The following ST3GAL3 variants were observed in gnomAD, a reference collection of about 807,000 sequenced individuals.
The protein encoded by ST3GAL3 is CMP-N-acetylneuraminate-beta-1,4-galactoside alpha-2,3-sialyltransferase.
ST3GAL3 carries 21 observed loss-of-function variants against 50.1 expected under a neutral mutation model. The observed-to-expected ratio is 0.42, with a 90% CI of 0.30 to 0.60. The LOEUF (loss-of-function observed/expected upper bound fraction) is 0.60, where lower values mean the gene tolerates loss of function less well. ST3GAL3 is among the 20% of genes least tolerant of loss of function. The pLI is 0.19. For missense variants in ST3GAL3, 353 were observed against 489.4 expected, an observed-to-expected ratio of 0.72 and a Z score of 2.63; for synonymous variants, 183 against 190.0, an observed-to-expected ratio of 0.96 and a Z score of 0.30.
intron 6 of ST3GAL3, 143 bp from the exon 7 acceptor site, chr1:43,898,092 A>G (rs2077652829): frequency 1.2e-6 from 1 of 865,862 alleles, no homozygotes; most frequent in East Asian, 2.6e-5. Context: ...CAGTGGCCCA[A>G]TACATCCTTG....
intron 9 of ST3GAL3, among the ~76,000 whole-genome samples, chr1:43,908,306 C>T (rs1571228926): frequency 6.6e-6 from 1 of 152,296 alleles, no homozygotes; most frequent in South Asian, 2.1e-4. Flanking sequence ...TCTAAAGAAT[C>T]CTCCTAAAGT....
chr1:43,835,331 A>G (rs2154195104), intron 4 of ST3GAL3, among the ~76,000 whole-genome samples: 1 of 152,318 alleles, frequency 6.6e-6, no homozygotes, highest in Admixed American at 6.5e-5. Flanking sequence ...TGGATGACTC[A>G]GAATCCCCAA....
At chr1:43,789,729 A>G (rs2057804871) in intron 2 of ST3GAL3, among the ~76,000 whole-genome samples, 1 of 152,144 alleles carries the variant, frequency 6.6e-6, no homozygotes, top group Non-Finnish European at 1.5e-5. Flanking sequence ...AAAGTTAGCC[A>G]GGCAGGCTGG....
chr1:43,904,856 TTCC>T (rs1481902675), intron 9 of ST3GAL3, among the ~76,000 whole-genome samples: 3 of 103,306 alleles, frequency 2.9e-5, no homozygotes, highest in South Asian at 3.6e-4. Context: ...CCTGCCACTC[TTCC>T]TCCTCCTCCT....
At position 43,767,234 on chromosome 1, in the gene ST3GAL3, T is replaced by C. The variant is rs1693418396; in HGVS notation, c.119-24868T>C. Among the ~76,000 whole-genome samples, 4 of 151,926 alleles carry C rather than the reference T, an allele frequency of 2.6e-5. No homozygotes were observed. The South Asian group carries it at 8.3e-4, about 32-fold the overall frequency. On this transcript the variant is annotated intron_variant, in intron 2 of 11. Coordinates refer to ENST00000347631, the MANE Select transcript of ST3GAL3 (RefSeq NM_006279.5). Reference sequence around the variant, plus strand: ...AACATCTGAGCTGAGTAGGGAGGGCTAGGAGGAGCAGAAAGGCAGAGGGAA... The same window carrying C: ...AACATCTGAGCTGAGTAGGGAGGGCCAGGAGGAGCAGAAAGGCAGAGGGAA...
intron 5 of ST3GAL3, among the ~76,000 whole-genome samples, chr1:43,884,106 C>T (rs1043740563): frequency 1.2e-4 from 18 of 152,188 alleles, no homozygotes; most frequent in Admixed American, 1.1e-3. Context: ...GTTCTGAGCT[C>T]GTACTCAGCA....
At chr1:43,801,968 C>G (rs976242614) in intron 3 of ST3GAL3, among the ~76,000 whole-genome samples, 4 of 148,540 alleles carry the variant, frequency 2.7e-5, no homozygotes, top group Non-Finnish European at 5.9e-5. Flanking sequence ...CCACTGCACT[C>G]CAGCCTGGGT....
chr1:43,930,131 G>GTC lies in ST3GAL3; in HGVS notation c.1039_1040dup (p.Trp348ProfsTer17). Reference sequence around the variant, plus strand: ...ACTGATCACTTCATCTCTCCTTTCAGTCCTGGACGCACAATATCCAGCGAG... The same window carrying GTC: ...ACTGATCACTTCATCTCTCCTTTCAGTCTCCTGGACGCACAATATCCAGCGAG... On this transcript the variant is annotated frameshift_variant and splice_region_variant. Coordinates refer to ENST00000347631, the MANE Select transcript of ST3GAL3 (RefSeq NM_006279.5). LOFTEE classifies it high-confidence loss of function. 6.2e-7 allele frequency: 1 copy of GTC among 1,614,166 alleles called. No individual in the cohort carries two copies. The highest frequency in any genetic ancestry group is 8.5e-7 in the Non-Finnish European group (1 of 1,180,008).
chr1:43,888,810 C>T (rs919529818), intron 5 of ST3GAL3, among the ~76,000 whole-genome samples: 1 of 152,124 alleles, frequency 6.6e-6, no homozygotes, highest in African/African-American at 2.4e-5. Context: ...GTGGCACTTT[C>T]ATACATCACT....
chr1:43,875,593 A>G (rs553198027), intron 5 of ST3GAL3, among the ~76,000 whole-genome samples: 1 of 151,974 alleles, frequency 6.6e-6, no homozygotes, highest in Non-Finnish European at 1.5e-5. Context: ...ATGATAGTGA[A>G]TGGTTTTATA....
chr1:43,911,611 C>G (rs2080890950), intron 9 of ST3GAL3, among the ~76,000 whole-genome samples: 1 of 131,008 alleles, frequency 7.6e-6, no homozygotes, highest in African/African-American at 2.8e-5. Flanking sequence ...CTATAGATAT[C>G]TACAGATATA....
intron 4 of ST3GAL3, among the ~76,000 whole-genome samples, chr1:43,821,084 A>G (rs530705695): frequency 6.6e-6 from 1 of 152,286 alleles, no homozygotes; most frequent in African/African-American, 2.4e-5. Context: ...TGTGTTTTCT[A>G]GTTGGAATAA....
At chr1:43,855,254 A>G (rs1339695269) in intron 5 of ST3GAL3, among the ~76,000 whole-genome samples, 4 of 152,116 alleles carry the variant, frequency 2.6e-5, no homozygotes, top group East Asian at 1.9e-4. Context: ...AGCCTTTACA[A>G]TGGGAGCGGA....
At chr1:43,740,419 C>G (rs1393429314) in intron 2 of ST3GAL3, among the ~76,000 whole-genome samples, 1 of 151,664 alleles carries the variant, frequency 6.6e-6, no homozygotes, top group African/African-American at 2.4e-5. Flanking sequence ...CGGGTAGTTG[C>G]CTCTTTGCAA....
At chr1:43,722,571 A>G (rs1282667301) in intron 1 of ST3GAL3, among the ~76,000 whole-genome samples, 1 of 152,198 alleles carries the variant, frequency 6.6e-6, no homozygotes, top group Non-Finnish European at 1.5e-5. Flanking sequence ...CTATTGTAGT[A>G]GTCCATGCAA....
intron 2 of ST3GAL3, chr1:43,743,707 G>A (rs1334844095): frequency 4.4e-6 from 1 of 229,156 alleles, no homozygotes; most frequent in Non-Finnish European, 8.8e-6. Context: ...GCAGACAGGT[G>A]TCTACTACAA....
At chr1:43,767,567 A>C (rs1160737288) in intron 2 of ST3GAL3, among the ~76,000 whole-genome samples, 1 of 152,084 alleles carries the variant, frequency 6.6e-6, no homozygotes, top group East Asian at 1.9e-4. Context: ...TAACAAAAAG[A>C]TAACTAGAAT....
At chr1:43,792,984 G>A (rs540545523) in intron 3 of ST3GAL3, among the ~76,000 whole-genome samples, 1 of 152,270 alleles carries the variant, frequency 6.6e-6, no homozygotes, top group South Asian at 2.1e-4. Context: ...GGAGACTGCT[G>A]GCCTGTTGAG....
intron 5 of ST3GAL3, among the ~76,000 whole-genome samples, chr1:43,885,581 C>T (rs1199013216): frequency 6.6e-6 from 1 of 152,314 alleles, no homozygotes; most frequent in East Asian, 1.9e-4. Flanking sequence ...ACCTTAAGGG[C>T]CACCTCCACC....
Sources: allele counts gnomAD v4.1 joint callset (sites outside exome capture counted in the v4.1 genomes callset), GRCh38; gene constraint gnomAD v4.1.1; transcripts MANE v1.5; gene names NCBI Gene and HGNC (gene_info 2026-07-23, HGNC 2026-07-21).